The following PTPN4 variants were observed in gnomAD, a reference collection of about 807,000 sequenced individuals.
PTPN4 encodes the protein protein tyrosine phosphatase non-receptor type 4.
Under a neutral mutation model 135.5 loss-of-function variants are expected in PTPN4, and 49 were observed. That is an observed-to-expected ratio of 0.36 (90% CI 0.29 to 0.46). The LOEUF (loss-of-function observed/expected upper bound fraction) is 0.46, where lower values mean the gene tolerates loss of function less well. Among genes scored for constraint, PTPN4 ranks in the 20% least tolerant of loss-of-function variants. The pLI, the probability that PTPN4 is intolerant of heterozygous loss-of-function variation, is 1.00. For missense variants in PTPN4, 860 were observed against 1,101.0 expected, an observed-to-expected ratio of 0.78 and a Z score of 3.10; for synonymous variants, 333 against 369.9, an observed-to-expected ratio of 0.90 and a Z score of 1.14.
chr2:119,770,692 ATAG>A (rs1318296331), intron 1 of PTPN4, among the ~76,000 whole-genome samples: 2 of 152,266 alleles, frequency 1.3e-5, no homozygotes, highest in East Asian at 3.8e-4. Context: ...TTTAAAAAAT[ATAG>A]TAGTATGTTC....
chr2:119,951,876 T>C (rs1482374219), intron 18 of PTPN4, 97 bp from the exon 19 acceptor site: 5 of 953,118 alleles, frequency 5.2e-6, no homozygotes, highest in African/African-American at 1.7e-5. Context: ...ATATGTAGTT[T>C]AGTTCTCCTG....
intron 2 of PTPN4, among the ~76,000 whole-genome samples, chr2:119,811,285 A>G (rs1332745418): frequency 1.3e-5 from 2 of 152,320 alleles, no homozygotes; most frequent in South Asian, 4.1e-4. Context: ...TTTTCTGTGT[A>G]TTACTATATA....
intron 3 of PTPN4, among the ~76,000 whole-genome samples, chr2:119,876,907 G>GTA (rs1208878519): frequency 1.4e-5 from 2 of 146,552 alleles, no homozygotes; most frequent in East Asian, 3.9e-4. Context: ...ATGTGTGTGT[G>GTA]TGTGTGTGTG....
chr2:119,964,915 A>G (rs1679424516), intron 24 of PTPN4, among the ~76,000 whole-genome samples: 1 of 152,220 alleles, frequency 6.6e-6, no homozygotes, highest in African/African-American at 2.4e-5. Flanking sequence ...ACAGACGAAT[A>G]CACTGAGACA....
chr2:119,914,313 AT>A (rs1045122087), intron 10 of PTPN4, among the ~76,000 whole-genome samples: 2 of 127,700 alleles, frequency 1.6e-5, no homozygotes, highest in Non-Finnish European at 3.1e-5. Context: ...ATGACAGAAT[AT>A]TTTTCCCATG....
At chr2:119,904,057 G>C (rs940182788) in intron 10 of PTPN4, among the ~76,000 whole-genome samples, 5 of 152,238 alleles carry the variant, frequency 3.3e-5, no homozygotes, top group Admixed American at 6.5e-5. Context: ...AGAAGCACCT[G>C]TTACACCAGA....
intron 3 of PTPN4, among the ~76,000 whole-genome samples, chr2:119,870,077 G>T (rs1179307014): frequency 1.3e-5 from 2 of 152,138 alleles, no homozygotes; most frequent in African/African-American, 4.8e-5. Context: ...TTTGTTGGGG[G>T]AAGAACTCAT....
At chr2:119,936,217 T>G (rs947201756) in intron 15 of PTPN4, among the ~76,000 whole-genome samples, 2 of 152,222 alleles carry the variant, frequency 1.3e-5, no homozygotes, top group Non-Finnish European at 2.9e-5. Context: ...TTAGCCAGGA[T>G]GGTCTCGATC....
rs941937314 is a variant in PTPN4 at position 119,839,973 on chromosome 2, T to C, written c.139-22563T>C. ...AGGAAGGCCATTTAATTCAGACTAA[T>C]AGAAGAAGTAGGTTTCAATGGAGAC... is the stretch of plus-strand genomic sequence containing the variant. On this transcript the variant is annotated intron_variant, in intron 2 of 26. Coordinates refer to ENST00000263708, the MANE Select transcript of PTPN4 (RefSeq NM_002830.4). Among the ~76,000 whole-genome samples, 10 of 152,330 alleles carry C rather than the reference T, an allele frequency of 6.6e-5. No homozygotes were observed. The South Asian group carries it at 2.1e-3, about 32-fold the overall frequency.
At chr2:119,919,537 G>A (rs776290786) in intron 11 of PTPN4, among the ~76,000 whole-genome samples, 1 of 152,080 alleles carries the variant, frequency 6.6e-6, no homozygotes, top group Non-Finnish European at 1.5e-5. Flanking sequence ...TAATATGAAT[G>A]AACAAGGCCA....
intron 9 of PTPN4, among the ~76,000 whole-genome samples, chr2:119,889,825 C>A (rs190893209): frequency 2.5e-4 from 38 of 152,214 alleles, no homozygotes; most frequent in African/African-American, 8.4e-4. Context: ...ATTCCATTTT[C>A]ATTTGTTTCA....
At position 119,773,635 on chromosome 2, in the gene PTPN4, C is replaced by A. The variant is rs565064792; in HGVS notation, c.-18+13251C>A. On this transcript the variant is annotated intron_variant, in intron 1 of 26. Coordinates refer to ENST00000263708, the MANE Select transcript of PTPN4 (RefSeq NM_002830.4). ...CCTGTAATCCTAACTACTCAGGAGACTGAGGCAGGAGAATCACTTGAACCC... is the reference window on the plus strand; with the variant it reads ...CCTGTAATCCTAACTACTCAGGAGAATGAGGCAGGAGAATCACTTGAACCC... 4.0e-5 allele frequency among the ~76,000 whole-genome samples: 6 copies of A among 151,068 alleles called. No individual in the cohort carries two copies. In the East Asian group the frequency reaches 1.2e-3, roughly 30 times the overall value.
At chr2:119,932,381 TAA>T (rs1553470370) in intron 13 of PTPN4, 41 bp from the exon 14 acceptor site, 1 of 1,500,556 alleles carries the variant, frequency 6.7e-7, no homozygotes, top group African/African-American at 1.4e-5. Flanking sequence ...GTTTGGGGTA[TAA>T]AAATAAAACT....
intron 25 of PTPN4, among the ~76,000 whole-genome samples, chr2:119,966,601 C>G (rs1357713728): frequency 6.6e-6 from 1 of 152,166 alleles, no homozygotes; most frequent in African/African-American, 2.4e-5. Context: ...TAAGTTTTAA[C>G]ATAGGAATTT....
At chr2:119,909,264 G>C (rs1558761415) in intron 10 of PTPN4, among the ~76,000 whole-genome samples, 1 of 152,144 alleles carries the variant, frequency 6.6e-6, no homozygotes, top group Non-Finnish European at 1.5e-5. Flanking sequence ...TCAAAGGACT[G>C]ACTGACTCTC....
intron 2 of PTPN4, among the ~76,000 whole-genome samples, chr2:119,821,295 G>C (rs1210397874): frequency 6.6e-6 from 1 of 151,904 alleles, no homozygotes; most frequent in Non-Finnish European, 1.5e-5. Context: ...GTTTCACCAT[G>C]TTGGCCAGGA....
At position 119,882,521 on chromosome 2, in the gene PTPN4, A is replaced by G. The variant is rs1189211915; in HGVS notation, c.485A>G (p.Asp162Gly). 1.3e-6 allele frequency: 2 copies of G among 1,537,358 alleles called. No homozygotes were observed. The highest frequency in any genetic ancestry group is 1.8e-6 in the Non-Finnish European group (2 of 1,137,182). ...FAVQSELGDY[D>G]QSENLSGYLS... ...TTATTAGCTGAACTTGGAGACTACG[A>G]TCAGTCAGAGAACTTGTCAGGCTAC... is the stretch of plus-strand genomic sequence containing the variant. Residue 162 changes from aspartate (D) to glycine (G), a missense_variant, in exon 8 of 27, where the codon GAT becomes GGT. By Grantham distance (94) the Asp-to-Gly change is moderately conservative. This residue lies in a region of PTPN4 where 684 missense variants were observed against 807.0 expected (regional missense o/e 0.85). Coordinates refer to ENST00000263708, the MANE Select transcript of PTPN4 (RefSeq NM_002830.4).
intron 1 of PTPN4, among the ~76,000 whole-genome samples, chr2:119,790,291 G>A (rs1313318321): frequency 2.0e-5 from 3 of 151,988 alleles, no homozygotes; most frequent in African/African-American, 7.2e-5. Context: ...TCATTATTGA[G>A]AATGAAGTAT....
intron 1 of PTPN4, among the ~76,000 whole-genome samples, chr2:119,772,967 A>G (rs1239974254): frequency 6.6e-6 from 1 of 152,202 alleles, no homozygotes; most frequent in Non-Finnish European, 1.5e-5. Context: ...AATTCAAAAC[A>G]CTTCTGAAAG....
Sources: allele counts gnomAD v4.1 joint callset (sites outside exome capture counted in the v4.1 genomes callset), GRCh38; gene constraint gnomAD v4.1.1; regional missense constraint gnomAD v4.1.1; transcripts MANE v1.5; gene names NCBI Gene and HGNC (gene_info 2026-07-23, HGNC 2026-07-21).